The following SDK2 variants were observed in gnomAD, a reference collection of about 807,000 sequenced individuals.
SDK2 encodes the protein protein sidekick-2.
Under a neutral mutation model 253.9 loss-of-function variants are expected in SDK2, and 105 were observed. That is an observed-to-expected ratio of 0.41 (90% CI 0.35 to 0.49). The LOEUF is 0.49. Ranked by LOEUF, SDK2 falls within the 20% of genes least tolerant of loss-of-function variation. The pLI is 0.06. For synonymous variants in SDK2, 1,249 were observed against 1,234.9 expected (o/e 1.01, Z -0.24); for missense variants, 2,608 against 3,003.0 (o/e 0.87, Z 3.07).
intron 3 of SDK2, among the ~76,000 whole-genome samples, chr17:73,456,826 T>TA (rs754914037): frequency 1.3e-5 from 2 of 151,784 alleles, no homozygotes; most frequent in African/African-American, 2.4e-5. Context: ...GACAAGGGGG[T>TA]AGGGAGACTA....
At chr17:73,540,189 G>T (rs2044845467) in intron 1 of SDK2, among the ~76,000 whole-genome samples, 1 of 152,214 alleles carries the variant, frequency 6.6e-6, no homozygotes, top group African/African-American at 2.4e-5. Flanking sequence ...GCTGGAAGAG[G>T]TGGGGAACGA....
At chr17:73,445,170 T>A (rs1672401644) in intron 5 of SDK2, among the ~76,000 whole-genome samples, 1 of 152,190 alleles carries the variant, frequency 6.6e-6, no homozygotes, top group Non-Finnish European at 1.5e-5. Flanking sequence ...TACACAAGGA[T>A]TTCAAAGACT....
Position 73,505,163 on chromosome 17 carries a change from T to A in SDK2, c.224+2275A>T, listed in dbSNP as rs182982995. The stretch of plus-strand genomic sequence containing the variant: ...ATTTGCAGAGCAGTTAGCCGAAAGA[T>A]TGCTTAGGATACACATTAAGGAAGC... On this transcript the variant is annotated intron_variant, in intron 2 of 44. Transcript: ENST00000392650. Among the ~76,000 whole-genome samples the A allele has an allele frequency of 1.6e-3, 246 of 152,332 alleles. 1 individual carries two copies. Among genetic ancestry groups the A allele is most frequent in the African/African-American group, 5.6e-3 (233 of 41,570 alleles).
At chr17:73,489,797 T>C (rs1485828174) in intron 2 of SDK2, among the ~76,000 whole-genome samples, 1 of 152,222 alleles carries the variant, frequency 6.6e-6, no homozygotes, top group Non-Finnish European at 1.5e-5. Context: ...TCTGTATCTA[T>C]ACTTATGCCC....
intron 18 of SDK2, among the ~76,000 whole-genome samples, chr17:73,412,013 GATATACGTATATGTAT>G (rs71157011): frequency 0.2 from 16,418 of 82,912 alleles, 2,310 homozygotes; most frequent in Middle Eastern, 0.25. Flanking sequence ...TATATATGTA[GATATACGTATATGTAT>G]ATATACGTAT....
Position 73,644,103 on chromosome 17 carries a change from A to G in SDK2, c.-15T>C. ...AGCCCCCACATGGTGACCAGCCTGG[A>G]GAGGGGTCCTCGGGGTCTCCCTTCC... On this transcript the variant is annotated 5_prime_UTR_variant, in exon 1 of 45. Transcript: ENST00000392650. The surrounding 1 kb of genome is among the most constrained non-coding windows in gnomAD (Gnocchi z 6.3). 2 of 1,549,910 alleles carry G rather than the reference A, an allele frequency of 1.3e-6. No individual in the cohort carries two copies. The highest frequency in any genetic ancestry group is 2.4e-5 in the South Asian group (2 of 83,910).
rs546182886 is a variant in SDK2, at chr17:73,609,786, G to T, written c.64+34239C>A. ...GAGGGAACTGCTGGGGCCAAAGTGG[G>T]AAAGAGAAGTTGCATGAGAACCTCC... On this transcript the variant is annotated intron_variant, in intron 1 of 44. Coordinates refer to ENST00000392650, the MANE Select transcript of SDK2 (RefSeq NM_001144952.2). This position sits in a 1 kb window ranked among gnomAD's most constrained non-coding sequence, Gnocchi z 4.4. Among the ~76,000 whole-genome samples the T allele has an allele frequency of 1.3e-5, 2 of 152,314 alleles. No homozygotes were observed. The highest frequency in any genetic ancestry group is 3.9e-4 in the East Asian group (2 of 5,178).
Position 73,447,715 on chromosome 17 carries a change from C to G in SDK2, c.513G>C (p.Leu171=), listed in dbSNP as rs1031816322. 14 of 1,551,742 alleles carry G rather than the reference C, an allele frequency of 9.0e-6. No homozygotes were observed. Among genetic ancestry groups the G allele is most frequent in the Non-Finnish European group, 1.1e-5 (13 of 1,147,000 alleles). The change falls in exon 5 of 45, where the codon CTG becomes CTC. Residue 171 remains leucine, a synonymous_variant. Coordinates refer to ENST00000392650, the MANE Select transcript of SDK2 (RefSeq NM_001144952.2). The surrounding 1 kb of genome is among the most constrained non-coding windows in gnomAD (Gnocchi z 4.0). ...GACCTGCGTCAGGGGCCACCGTTGA[C>G]AGGATGACAAGGGTGTTCTCCAGCG... ...AITLENTLVI[L]STVAPDAGRY... is the part of the protein sequence containing the mutation.
At position 73,395,226 on chromosome 17, in the gene SDK2, T is replaced by C; in HGVS notation, c.3521A>G (p.Gln1174Arg). Residue 1174 changes from glutamine to arginine, a missense_variant, in exon 25 of 45, where the codon CAG (glutamine) becomes CGG (arginine). Gln to Arg is a conservative substitution (Grantham distance 43, BLOSUM62 1). Coordinates refer to ENST00000392650, the MANE Select transcript of SDK2 (RefSeq NM_001144952.2). This position sits in a 1 kb window ranked among gnomAD's most constrained non-coding sequence, Gnocchi z 4.3. ...DLEEWTEYRV[Q>R]VQAFNAIGSG... The stretch of plus-strand genomic sequence containing the variant: ...CCCGATGGCGTTGAAGGCCTGGACC[T>C]GGACGCGGTACTCTGTCCACTCCTC... The C allele has an allele frequency of 6.2e-7, 1 of 1,613,192 alleles. No individual in the cohort carries two copies. The highest frequency in any genetic ancestry group is 8.5e-7 in the Non-Finnish European group (1 of 1,179,668).
intron 1 of SDK2, among the ~76,000 whole-genome samples, chr17:73,568,941 G>A (rs1197824571): frequency 6.6e-6 from 1 of 152,122 alleles, no homozygotes; most frequent in African/African-American, 2.4e-5. Flanking sequence ...AGTGCACACA[G>A]GGGGCAAAGG....
At chr17:73,347,924 T>A (rs1359255249) in intron 44 of SDK2, among the ~76,000 whole-genome samples, 1 of 152,168 alleles carries the variant, frequency 6.6e-6, no homozygotes, top group Non-Finnish European at 1.5e-5. Context: ...GGCTCTACAC[T>A]GAGTTCACCA....
intron 5 of SDK2, among the ~76,000 whole-genome samples, chr17:73,441,153 C>G (rs1309699306): frequency 1.3e-5 from 2 of 152,214 alleles, no homozygotes; most frequent in East Asian, 1.9e-4. Context: ...ACATCGCTGA[C>G]CTTGACGGCC....
At chr17:73,461,640 T>TG (rs1159563556) in intron 3 of SDK2, among the ~76,000 whole-genome samples, 1 of 151,836 alleles carries the variant, frequency 6.6e-6, no homozygotes, top group African/African-American at 2.4e-5. Context: ...TTTGGATGGA[T>TG]GGGGGGATGG....
intron 18 of SDK2, among the ~76,000 whole-genome samples, chr17:73,405,876 C>T (rs916405929): frequency 4.0e-5 from 6 of 150,590 alleles, no homozygotes; most frequent in Non-Finnish European, 8.8e-5. Context: ...CCTGCCACCA[C>T]GCCCGGCTAA....
rs113372692 is a variant in SDK2, at chr17:73,554,881, T to C, written c.65-47284A>G. ...TCTGTAAATGTTACAAACCCATATT[T>C]GGGTTTTATTACAGGATCAAAACTC... On this transcript the variant is annotated intron_variant, in intron 1 of 44. Transcript: ENST00000392650. 2.3e-4 allele frequency among the ~76,000 whole-genome samples: 35 copies of C among 152,362 alleles called. 1 individual carries two copies. Among genetic ancestry groups the C allele is most frequent in the African/African-American group, 7.5e-4 (31 of 41,584 alleles).
chr17:73,337,042 T>G lies in SDK2; in HGVS notation c.*1545A>C, dbSNP rs909516439. 7.3e-6 allele frequency: 1 copy of G among 136,168 alleles called. No homozygotes were observed. Among genetic ancestry groups the G allele is most frequent in the Non-Finnish European group, 1.6e-5 (1 of 63,642 alleles). 8.4% of individuals were successfully genotyped at this position (136,168 alleles called of 1,614,324 possible). A position where few individuals can be genotyped will look rare whatever the true frequency, so the allele number is the denominator to read the frequency against. On this transcript the variant is annotated 3_prime_UTR_variant, in exon 45 of 45. Coordinates refer to ENST00000392650, the MANE Select transcript of SDK2 (RefSeq NM_001144952.2). ...TTGCAGAACACTCCTTGGAGCAGAT[T>G]GTGTATGTGTATGTGTGTGTGTGTG...
At chr17:73,504,059 G>A (rs1333890095) in intron 2 of SDK2, among the ~76,000 whole-genome samples, 1 of 152,058 alleles carries the variant, frequency 6.6e-6, no homozygotes, top group African/African-American at 2.4e-5. Context: ...GGTTCTGGAA[G>A]CTCTGACTTC....
chr17:73,349,840 G>A (rs532751978), intron 43 of SDK2, among the ~76,000 whole-genome samples: 3 of 152,338 alleles, frequency 2.0e-5, no homozygotes, highest in East Asian at 3.9e-4. Flanking sequence ...TGCGTTGGCT[G>A]GGCCTGTCTT....
At chr17:73,543,646 G>A (rs1345108613) in intron 1 of SDK2, among the ~76,000 whole-genome samples, 1 of 152,260 alleles carries the variant, frequency 6.6e-6, no homozygotes, top group Non-Finnish European at 1.5e-5. Flanking sequence ...AGCCCAAGAA[G>A]AGCCACTGGC....
Sources: gnomAD v4.1 joint callset for allele counts (sites outside exome capture counted in the v4.1 genomes callset) on GRCh38, gnomAD v4.1.1 for gene constraint, Gnocchi (gnomAD v3.1) non-coding constraint, MANE v1.5 for transcripts, NCBI Gene and HGNC (gene_info 2026-07-23, HGNC 2026-07-21) for gene names.